The following SPRED2 variants were observed in gnomAD, a reference collection of about 807,000 sequenced individuals.
SPRED2 encodes the protein sprouty-related, EVH1 domain-containing protein 2.
SPRED2 carries 47 observed loss-of-function variants against 43.0 expected under a neutral mutation model. The ratio of observed to expected loss-of-function variants is 1.09; its 90% confidence interval spans 0.87 to 1.40. The LOEUF (loss-of-function observed/expected upper bound fraction) is 1.40, where lower values mean the gene tolerates loss of function less well. Among genes scored for constraint, SPRED2 ranks in the 40% most tolerant of loss-of-function variants. The pLI is 0.00. For synonymous variants in SPRED2, 225 were observed against 225.7 expected (o/e 1.00, Z 0.03); for missense variants, 561 against 586.4 (o/e 0.96, Z 0.45).
intron 1 of SPRED2, among the ~76,000 whole-genome samples, chr2:65,422,043 A>C (rs773847428): frequency 2.0e-5 from 3 of 149,376 alleles, no homozygotes; most frequent in Non-Finnish European, 4.5e-5. Flanking sequence ...GACATATTCC[A>C]TCCATGTGTG....
intron 1 of SPRED2, among the ~76,000 whole-genome samples, chr2:65,365,524 G>A (rs1674946753): frequency 1.3e-5 from 2 of 152,148 alleles, no homozygotes; most frequent in Admixed American, 1.3e-4. Flanking sequence ...TTCCAGCTTG[G>A]TAACCCCAGA....
intron 1 of SPRED2, among the ~76,000 whole-genome samples, chr2:65,352,715 C>A (rs963335603): frequency 1.3e-5 from 2 of 152,194 alleles, no homozygotes; most frequent in African/African-American, 4.8e-5. Flanking sequence ...CCTCTGCCTC[C>A]CAGATTTGAG....
At position 65,313,880 on chromosome 2, in the gene SPRED2, G is replaced by C; in HGVS notation, c.878C>G (p.Ser293Cys). 2.5e-6 allele frequency: 4 copies of C among 1,610,470 alleles called. No individual in the cohort carries two copies. The highest frequency in any genetic ancestry group is 3.4e-6 in the Non-Finnish European group (4 of 1,179,840). ...CTTCCGCCGCCGCGACTTGCCCCGG[G>C]AGGGCTGCGTCTTGATCACGCTGCC... Reference protein sequence around the residue: ...RGGSVIKTQPSRGKSRRRKED... With the variant: ...RGGSVIKTQPCRGKSRRRKED... Residue 293 changes from serine to cysteine, a missense_variant, in exon 6 of 6, where the codon TCC becomes TGC. By Grantham distance (112) the Ser-to-Cys change is moderately radical (BLOSUM62 -1). This residue lies in a region of SPRED2 where 164 missense variants were observed against 164.1 expected (regional missense o/e 1.00). Coordinates refer to ENST00000356388, the MANE Select transcript of SPRED2 (RefSeq NM_181784.3).
chr2:65,312,125 C>G lies in SPRED2; in HGVS notation c.*1376G>C, dbSNP rs758432458. On this transcript the variant is annotated 3_prime_UTR_variant, in exon 6 of 6. Coordinates refer to ENST00000356388, the MANE Select transcript of SPRED2 (RefSeq NM_181784.3). ...AAGAAGATTTGGCTAATCCTTGCAACGTATTAGAAAAATACTCTTTTCCAG... is the reference window on the plus strand; with the variant it reads ...AAGAAGATTTGGCTAATCCTTGCAAGGTATTAGAAAAATACTCTTTTCCAG... The G allele has an allele frequency of 3.3e-4, 326 of 985,454 alleles. 1 individual carries two copies. The highest frequency in any genetic ancestry group is 3.0e-3 in the Admixed American group (49 of 16,290). 61.0% of individuals were successfully genotyped at this position (985,454 alleles called of 1,614,324 possible).
At position 65,404,143 on chromosome 2, in the gene SPRED2, T is replaced by C. The variant is rs138511219; in HGVS notation, c.26+27819A>G. 2.2e-4 allele frequency among the ~76,000 whole-genome samples: 34 copies of C among 151,872 alleles called. No individual in the cohort carries two copies. The South Asian group carries it at 2.3e-3, about 10-fold the overall frequency. On this transcript the variant is annotated intron_variant, in intron 1 of 5. Coordinates refer to ENST00000356388, the MANE Select transcript of SPRED2 (RefSeq NM_181784.3). The stretch of plus-strand genomic sequence containing the variant: ...CTCTTGAACGCCCAGGAGACGGAGA[T>C]TGCAGTAAGCCGAGATCACGCCACT...
chr2:65,423,445 T>C (rs1185292108), intron 1 of SPRED2, among the ~76,000 whole-genome samples: 2 of 152,208 alleles, frequency 1.3e-5, no homozygotes, highest in Non-Finnish European at 2.9e-5. Flanking sequence ...CTGGGCATTA[T>C]TGATTATCAC....
At chr2:65,401,922 T>C (rs1035823881) in intron 1 of SPRED2, among the ~76,000 whole-genome samples, 1 of 103,280 alleles carries the variant, frequency 9.7e-6, no homozygotes, top group African/African-American at 3.7e-5. Flanking sequence ...ACGATCAGAA[T>C]ATTAGCGCGC....
chr2:65,327,873 G>C (rs528394501), intron 4 of SPRED2, among the ~76,000 whole-genome samples: 1 of 151,548 alleles, frequency 6.6e-6, no homozygotes, highest in African/African-American at 2.4e-5. Context: ...ACAGGGGCCC[G>C]CCATCATGCC....
intron 1 of SPRED2, among the ~76,000 whole-genome samples, chr2:65,406,537 A>AG (rs779927528): frequency 5.8e-4 from 89 of 152,326 alleles, no homozygotes; most frequent in Non-Finnish European, 1.1e-3. Flanking sequence ...GTAGAAATAA[A>AG]GTTGGTCATT....
chr2:65,370,458 G>A (rs1048994550), intron 1 of SPRED2, among the ~76,000 whole-genome samples: 6 of 152,172 alleles, frequency 3.9e-5, no homozygotes, highest in African/African-American at 1.4e-4. Context: ...GGACTGAGCA[G>A]CTGTGACAGA....
At position 65,313,482 on chromosome 2, in the gene SPRED2, A is replaced by G. The variant is rs1572826208; in HGVS notation, c.*19T>C. The stretch of plus-strand genomic sequence containing the variant: ...TTCCCCTGTGGCTGCGGATGGAGGG[A>G]GAAGGGAGGGAAACTGAGTCACGCG... On this transcript the variant is annotated 3_prime_UTR_variant, in exon 6 of 6. Coordinates refer to ENST00000356388, the MANE Select transcript of SPRED2 (RefSeq NM_181784.3). 1 of 1,581,062 alleles carries G rather than the reference A, an allele frequency of 6.3e-7. No homozygotes were observed.
At chr2:65,392,695 A>G (rs184992014) in intron 1 of SPRED2, among the ~76,000 whole-genome samples, 7 of 152,362 alleles carry the variant, frequency 4.6e-5, no homozygotes, top group Non-Finnish European at 8.8e-5. Flanking sequence ...GTTAGAAATT[A>G]AATCCACAGG....
In SPRED2 at chr2:65,432,066, T is replaced by C; in HGVS notation, c.-79A>G. On this transcript the variant is annotated 5_prime_UTR_variant, in exon 1 of 6. The change abolishes the stop of an existing upstream ORF in the 5' untranslated region. Transcript: ENST00000356388. ...CTTCCTGTCCGCTCGCCCCCCTTCT[T>C]CACATCTCCGGAGATCGCCTGATTT... The C allele has an allele frequency of 6.3e-7, 1 of 1,579,224 alleles. No individual in the cohort carries two copies. Among genetic ancestry groups the C allele is most frequent in the Admixed American group, 1.7e-5 (1 of 59,142 alleles).
chr2:65,390,605 T>G (rs1675611212), intron 1 of SPRED2, among the ~76,000 whole-genome samples: 2 of 152,196 alleles, frequency 1.3e-5, no homozygotes, highest in Non-Finnish European at 2.9e-5. Context: ...TTACTCCATG[T>G]CTCTATGCCT....
chr2:65,341,117 G>T (rs1047676856), intron 2 of SPRED2, among the ~76,000 whole-genome samples: 1 of 151,458 alleles, frequency 6.6e-6, no homozygotes, highest in Non-Finnish European at 1.5e-5. Flanking sequence ...GTGTGTGTGT[G>T]TGTGTGTGTG....
intron 1 of SPRED2, among the ~76,000 whole-genome samples, chr2:65,367,402 T>G (rs1027645937): frequency 6.6e-6 from 1 of 152,236 alleles, no homozygotes; most frequent in Non-Finnish European, 1.5e-5. Context: ...AGTGCGTATA[T>G]GCAGGCTGAC....
At chr2:65,402,278 C>CAAAAAAAA (rs58209803) in intron 1 of SPRED2, among the ~76,000 whole-genome samples, 1 of 64,404 alleles carries the variant, frequency 1.6e-5, no homozygotes, top group African/African-American at 7.1e-5. Context: ...GACTCTGTCT[C>CAAAAAAAA]AAAAAAAAAA....
chr2:65,353,264 C>T (rs1236079420), intron 1 of SPRED2, among the ~76,000 whole-genome samples: 1 of 152,170 alleles, frequency 6.6e-6, no homozygotes, highest in Non-Finnish European at 1.5e-5. Flanking sequence ...CAAGTTCTAC[C>T]CTCTCCCAAA....
At chr2:65,403,800 C>T (rs992757796) in intron 1 of SPRED2, among the ~76,000 whole-genome samples, 2 of 152,280 alleles carry the variant, frequency 1.3e-5, no homozygotes, top group Non-Finnish European at 2.9e-5. Context: ...AGGCCTAGAC[C>T]TCAGGTGCTT....
Sources: gnomAD v4.1 joint callset for allele counts (sites outside exome capture counted in the v4.1 genomes callset) on GRCh38, gnomAD v4.1.1 for gene constraint, gnomAD v4.1.1 regional missense constraint, MANE v1.5 for transcripts, NCBI Gene and HGNC (gene_info 2026-07-23, HGNC 2026-07-21) for gene names.